PTPRM: variants seen among roughly 807,000 people sequenced by gnomAD.
PTPRM encodes the protein receptor-type tyrosine-protein phosphatase mu.
A neutral mutation model predicts 186.7 loss-of-function variants in PTPRM; 47 were observed. That is an observed-to-expected ratio of 0.25 (90% CI 0.20 to 0.32). The LOEUF is 0.32. Among genes scored for constraint, PTPRM ranks in the 10% least tolerant of loss-of-function variants. PTPRM has a pLI of 1.00. For synonymous variants in PTPRM, 668 were observed against 674.9 expected (o/e 0.99, Z 0.16); for missense variants, 1,494 against 1,865.0 (o/e 0.80, Z 3.66).
intron 4 of PTPRM, among the ~76,000 whole-genome samples, chr18:7,918,828 T>C (rs1270592828): frequency 1.3e-5 from 2 of 152,166 alleles, no homozygotes; most frequent in African/African-American, 4.8e-5. Flanking sequence ...TGTTTTTGTT[T>C]TGGTTGCTCT....
chr18:8,171,121 C>A (rs1046537415), intron 14 of PTPRM, among the ~76,000 whole-genome samples: 13 of 152,162 alleles, frequency 8.5e-5, no homozygotes, highest in Non-Finnish European at 5.9e-5. Context: ...ACATTAGATT[C>A]ATGGATAATT....
chr18:8,076,706 A>G (rs2089839902), intron 9 of PTPRM, 142 bp downstream of exon 9: 1 of 491,920 alleles, frequency 2.0e-6, no homozygotes, highest in Non-Finnish European at 3.5e-6. Context: ...TGGTTGTTAT[A>G]TAGAAGAAAA....
intron 3 of PTPRM, among the ~76,000 whole-genome samples, chr18:7,891,661 G>A (rs759609727): frequency 6.6e-6 from 1 of 152,070 alleles, no homozygotes; most frequent in South Asian, 2.1e-4. Flanking sequence ...GATTGCTTGA[G>A]GTCACGAGTT....
At position 8,319,229 on chromosome 18, in the gene PTPRM, A is replaced by G. The variant is rs372406303; in HGVS notation, c.2956+15A>G. 8.1e-5 allele frequency: 125 copies of G among 1,547,452 alleles called. No homozygotes were observed. The highest frequency in any genetic ancestry group is 1.0e-4 in the Non-Finnish European group (118 of 1,125,518). ...TGCTACCCAAGGTAAGTTTATTTCT[A>G]CTTTGTTGTCTTTCTTTGTTTCTTT... On this transcript the variant is annotated intron_variant, in intron 22 of 32. Coordinates refer to ENST00000580170, the MANE Select transcript of PTPRM (RefSeq NM_001105244.2).
chr18:8,273,861 G>T (rs982737053), intron 19 of PTPRM, among the ~76,000 whole-genome samples: 1 of 152,224 alleles, frequency 6.6e-6, no homozygotes, highest in African/African-American at 2.4e-5. Flanking sequence ...TTGCTCAAAA[G>T]CCCCATATGG....
intron 1 of PTPRM, among the ~76,000 whole-genome samples, chr18:7,613,501 G>A (rs200090481): frequency 7.2e-5 from 11 of 152,006 alleles, no homozygotes; most frequent in Non-Finnish European, 1.5e-4. Context: ...GCTGAAACCT[G>A]ATCTCTACTA....
At chr18:7,832,137 A>G (rs2045792229) in intron 2 of PTPRM, among the ~76,000 whole-genome samples, 1 of 152,120 alleles carries the variant, frequency 6.6e-6, no homozygotes, top group African/African-American at 2.4e-5. Flanking sequence ...TTTTGGATAT[A>G]TATGTGCAGT....
At chr18:8,096,942 A>G (rs1344428518) in intron 11 of PTPRM, among the ~76,000 whole-genome samples, 1 of 152,220 alleles carries the variant, frequency 6.6e-6, no homozygotes, top group Non-Finnish European at 1.5e-5. Flanking sequence ...GACTTTTAGA[A>G]CTGAGGACGA....
chr18:7,949,475 G>C (rs1599683340), intron 6 of PTPRM, 120 bp downstream of exon 6: 2 of 838,784 alleles, frequency 2.4e-6, no homozygotes, highest in Middle Eastern at 3.5e-4. Context: ...GTGGTTTGAT[G>C]ACAGGCTATT....
intron 14 of PTPRM, among the ~76,000 whole-genome samples, chr18:8,158,815 G>A (rs148897929): frequency 5.9e-5 from 9 of 152,238 alleles, no homozygotes; most frequent in East Asian, 5.8e-4. Flanking sequence ...GAGAGCGAGC[G>A]GGAGGGTGTC....
At chr18:8,026,963 T>C (rs1457466874) in intron 7 of PTPRM, among the ~76,000 whole-genome samples, 1 of 152,246 alleles carries the variant, frequency 6.6e-6, no homozygotes. Context: ...GAGCTAGTGA[T>C]ATATTCATAA....
At chr18:8,299,055 T>G (rs2095127268) in intron 20 of PTPRM, among the ~76,000 whole-genome samples, 1 of 151,886 alleles carries the variant, frequency 6.6e-6, no homozygotes, top group African/African-American at 2.4e-5. Context: ...TATTGATTGT[T>G]TCCTTTCTAT....
At chr18:7,817,043 C>T (rs1200614704) in intron 2 of PTPRM, among the ~76,000 whole-genome samples, 2 of 146,816 alleles carry the variant, frequency 1.4e-5, no homozygotes, top group African/African-American at 2.5e-5. Flanking sequence ...GGCGTGATCT[C>T]GGCTCACTGC....
chr18:8,330,855 G>A (rs569742058), intron 22 of PTPRM, among the ~76,000 whole-genome samples: 4 of 152,184 alleles, frequency 2.6e-5, no homozygotes, highest in South Asian at 2.1e-4. Flanking sequence ...TTTCTCCTGC[G>A]CCTCTTTTTA....
chr18:8,397,008 C>T (rs1167765727), intron 32 of PTPRM, among the ~76,000 whole-genome samples: 1 of 152,228 alleles, frequency 6.6e-6, no homozygotes, highest in Non-Finnish European at 1.5e-5. Context: ...TTTTATTGGG[C>T]ATCACAGGCC....
At chr18:7,789,057 C>T (rs977058281) in intron 2 of PTPRM, among the ~76,000 whole-genome samples, 3 of 152,156 alleles carry the variant, frequency 2.0e-5, no homozygotes, top group African/African-American at 7.2e-5. Flanking sequence ...CACAGTGGCT[C>T]ACACCTGTAA....
rs1230883241 is a variant in PTPRM, at chr18:7,842,945, T to TAGAGAGAGAGAGAG, written c.197-45160_197-45159insGAGAGAGAGAGAGA. 1.7e-4 allele frequency among the ~76,000 whole-genome samples: 19 copies of TAGAGAGAGAGAGAG among 115,128 alleles called. No homozygotes were observed. The East Asian group carries it at 3.2e-3, about 20-fold the overall frequency. The allele number at this position is 115,128 out of a possible 152,430, so 75.5% of individuals were successfully genotyped here. A position where few individuals can be genotyped will look rare whatever the true frequency, so the allele number is the denominator to read the frequency against. On this transcript the variant is annotated intron_variant, in intron 2 of 32. Transcript: ENST00000580170. ...GTGTGTGTGTGTATATATATATATA[T>TAGAGAGAGAGAGAG]ATAGAGAGAGAGAGAGAGAGAGAGA...
At chr18:8,151,193 A>C (rs1001086726) in intron 14 of PTPRM, among the ~76,000 whole-genome samples, 1 of 152,170 alleles carries the variant, frequency 6.6e-6, no homozygotes. Flanking sequence ...CAGAGCTGCC[A>C]GGTAGGGACA....
intron 1 of PTPRM, among the ~76,000 whole-genome samples, chr18:7,703,615 C>A (rs2040012841): frequency 6.6e-6 from 1 of 152,154 alleles, no homozygotes; most frequent in African/African-American, 2.4e-5. Context: ...ATGTCCTCTG[C>A]AAACAGAGAC....
Sources: allele counts gnomAD v4.1 joint callset (sites outside exome capture counted in the v4.1 genomes callset), GRCh38; gene constraint gnomAD v4.1.1; transcripts MANE v1.5; gene names NCBI Gene and HGNC (gene_info 2026-07-23, HGNC 2026-07-21).